The following IL12RB2 variants were observed in gnomAD, a reference collection of about 807,000 sequenced individuals.
IL12RB2 encodes the protein interleukin 12 receptor subunit beta 2, also known as interleukin-12 receptor subunit beta-2.
Under a neutral mutation model 89.4 loss-of-function variants are expected in IL12RB2, and 82 were observed. The ratio of observed to expected loss-of-function variants is 0.92; its 90% confidence interval spans 0.77 to 1.10. The LOEUF is 1.10. Ranked by LOEUF, IL12RB2 falls within the 50% of genes least tolerant of loss-of-function variation. The pLI is 0.00. For synonymous variants in IL12RB2, 368 were observed against 370.1 expected (o/e 0.99, Z 0.07); for missense variants, 963 against 1,031.9 (o/e 0.93, Z 0.92).
chr1:67,312,610 T>C (rs1655219443), intron 1 of IL12RB2, among the ~76,000 whole-genome samples: 1 of 134,518 alleles, frequency 7.4e-6, no homozygotes, highest in Non-Finnish European at 1.6e-5. Flanking sequence ...CAAACAGAAT[T>C]GACAGAAACA....
intron 13 of IL12RB2, among the ~76,000 whole-genome samples, chr1:67,376,362 A>T (rs1281031114): frequency 6.6e-6 from 1 of 152,174 alleles, no homozygotes; most frequent in Non-Finnish European, 1.5e-5. Flanking sequence ...GTAGATCGTT[A>T]AAAACTTGTT....
chr1:67,391,356 A>AGTGT (rs148773328), intron 16 of IL12RB2, among the ~76,000 whole-genome samples: 14,790 of 140,404 alleles, frequency 0.11, 888 homozygotes, highest in Middle Eastern at 0.18. Flanking sequence ...TAATAACAGC[A>AGTGT]GTGTGTGTGT....
chr1:67,322,539 C>A (rs1569758268), intron 4 of IL12RB2, among the ~76,000 whole-genome samples: 2 of 151,716 alleles, frequency 1.3e-5, no homozygotes, highest in East Asian at 3.9e-4. Flanking sequence ...AAGGAGTGAG[C>A]CAGGAAAGGG....
chr1:67,379,012 A>G (rs17129915), intron 13 of IL12RB2, among the ~76,000 whole-genome samples: 137 of 152,262 alleles, frequency 9.0e-4, no homozygotes, highest in African/African-American at 3.2e-3. Flanking sequence ...AGCCTGGCCA[A>G]CATGGTGAAA....
intron 8 of IL12RB2, among the ~76,000 whole-genome samples, chr1:67,338,379 T>TAAAAAAAAAAAAAAA (rs1659104803): frequency 1.1e-5 from 1 of 94,072 alleles, no homozygotes; most frequent in African/African-American, 3.2e-5. Flanking sequence ...AAAAAGTAAG[T>TAAAAAAAAAAAAAAA]TAAGAAACAA....
In IL12RB2 at chr1:67,372,078, C is replaced by G. The variant is rs67537933; in HGVS notation, c.1460-358C>G. ...AAGCAGTCTGGGTGCGTGTGTGTGTCTGTGTGTGTGTGTGTGTGTGGTTAT... is the reference window on the plus strand; with the variant it reads ...AAGCAGTCTGGGTGCGTGTGTGTGTGTGTGTGTGTGTGTGTGTGTGGTTAT... On this transcript the variant is annotated intron_variant, in intron 11 of 16. Coordinates refer to ENST00000674203, the MANE Select transcript of IL12RB2 (RefSeq NM_001374259.2). Among the ~76,000 whole-genome samples the G allele has an allele frequency of 6.2e-5, 9 of 144,054 alleles. No homozygotes were observed. The South Asian group carries it at 6.6e-4, about 10-fold the overall frequency. 94.5% of individuals were successfully genotyped at this position (144,054 alleles called of 152,430 possible). A position where few individuals can be genotyped will look rare whatever the true frequency, so the allele number is the denominator to read the frequency against.
chr1:67,328,274 T>C lies in IL12RB2; in HGVS notation c.554T>C (p.Ile185Thr). Reference protein sequence around the residue: ...DIYCDYLDFGINLTPESPESN... With the variant: ...DIYCDYLDFGTNLTPESPESN... ...TATTGTGACTATTTGGACTTTGGAATCAACCTCACCCCTGAATCACCTGAA... is the reference window on the plus strand; with the variant it reads ...TATTGTGACTATTTGGACTTTGGAACCAACCTCACCCCTGAATCACCTGAA... The change falls in exon 6 of 17, where the codon ATC (isoleucine) becomes ACC (threonine). Residue 185 changes from isoleucine (I) to threonine (T), a missense_variant. Ile to Thr is a moderately conservative substitution (Grantham distance 89, BLOSUM62 -1). Coordinates refer to ENST00000674203, the MANE Select transcript of IL12RB2 (RefSeq NM_001374259.2). The C allele has an allele frequency of 6.2e-7, 1 of 1,614,222 alleles. No individual in the cohort carries two copies. Among genetic ancestry groups the C allele is most frequent in the Non-Finnish European group, 8.5e-7 (1 of 1,180,032 alleles).
At chr1:67,340,899 C>A (rs1030356305) in intron 9 of IL12RB2, among the ~76,000 whole-genome samples, 1 of 152,212 alleles carries the variant, frequency 6.6e-6, no homozygotes, top group African/African-American at 2.4e-5. Context: ...TCTTCTAGTT[C>A]AGCCTTCCTT....
chr1:67,347,119 T>C (rs1383760293), intron 9 of IL12RB2, among the ~76,000 whole-genome samples: 1 of 152,136 alleles, frequency 6.6e-6, no homozygotes, highest in Non-Finnish European at 1.5e-5. Context: ...CCCAAGGTCA[T>C]ACAGCTGCTA....
chr1:67,336,769 T>C (rs371492878), intron 8 of IL12RB2, among the ~76,000 whole-genome samples: 16 of 152,342 alleles, frequency 1.1e-4, no homozygotes, highest in South Asian at 6.2e-4. Context: ...GCCAAGGCTA[T>C]GGGCTCTGGG....
intron 13 of IL12RB2, among the ~76,000 whole-genome samples, chr1:67,378,023 G>A (rs1557465562): frequency 6.6e-6 from 1 of 152,196 alleles, no homozygotes; most frequent in East Asian, 1.9e-4. Flanking sequence ...CTACTCGGGA[G>A]GCCACGGTGG....
At chr1:67,386,872 T>TTATATATGTATATA (rs1665222762) in intron 15 of IL12RB2, among the ~76,000 whole-genome samples, 1 of 48,436 alleles carries the variant, frequency 2.1e-5, no homozygotes, top group Admixed American at 2.3e-4. Context: ...GAAATGTATT[T>TTATATATGTATATA]TATATATATA....
intron 1 of IL12RB2, among the ~76,000 whole-genome samples, chr1:67,309,110 C>A (rs1371070025): frequency 6.6e-6 from 1 of 151,678 alleles, no homozygotes; most frequent in Non-Finnish European, 1.5e-5. Context: ...TAAATTAGTC[C>A]TTTTTTCCCC....
intron 2 of IL12RB2, among the ~76,000 whole-genome samples, chr1:67,314,498 A>G (rs188363717): frequency 6.6e-4 from 101 of 152,304 alleles, no homozygotes; most frequent in African/African-American, 2.4e-3. Flanking sequence ...ACTGTAAGGC[A>G]TGAGGAAATG....
Position 67,397,157 on chromosome 1 carries a change from T to C in IL12RB2, c.*1068T>C, listed in dbSNP as rs1200211826. Among the ~76,000 whole-genome samples, 1 of 152,062 alleles carries C rather than the reference T, an allele frequency of 6.6e-6. No homozygotes were observed. The highest frequency in any genetic ancestry group is 2.4e-5 in the African/African-American group (1 of 41,504). ...AGAAAAAAAAAAAAAAGAATGTACC[T>C]TTTTCCTAGATTTGCTGGTTTATTG... On this transcript the variant is annotated 3_prime_UTR_variant, in exon 17 of 17. Transcript: ENST00000674203.
At chr1:67,359,487 T>C in intron 10 of IL12RB2, among the ~76,000 whole-genome samples, 1 of 152,076 alleles carries the variant, frequency 6.6e-6, no homozygotes, top group African/African-American at 2.4e-5. Flanking sequence ...TTTGCGGGGC[T>C]GAGTCGGGTG....
intron 9 of IL12RB2, among the ~76,000 whole-genome samples, chr1:67,346,890 G>GT (rs1178305314): frequency 6.6e-6 from 1 of 152,172 alleles, no homozygotes; most frequent in Non-Finnish European, 1.5e-5. Flanking sequence ...GAAGAGTCAT[G>GT]TAAGTGTATT....
At chr1:67,320,198 A>G in intron 2 of IL12RB2, 135 bp from the exon 3 acceptor site, 4 of 1,365,138 alleles carry the variant, frequency 2.9e-6, no homozygotes, top group African/African-American at 1.5e-5. Flanking sequence ...TTAAAGGTAC[A>G]TGTCATTTTT....
intron 10 of IL12RB2, among the ~76,000 whole-genome samples, chr1:67,366,395 G>A (rs546211603): frequency 1.4e-5 from 2 of 142,482 alleles, no homozygotes; most frequent in Admixed American, 1.5e-4. Flanking sequence ...AGGCCGCAGT[G>A]AGCCGAGATG....
Sources: allele counts gnomAD v4.1 joint callset (sites outside exome capture counted in the v4.1 genomes callset), GRCh38; gene constraint gnomAD v4.1.1; transcripts MANE v1.5; gene names NCBI Gene and HGNC (gene_info 2026-07-23, HGNC 2026-07-21).